Variants in C16orf87 observed in about 807,000 individuals in gnomAD.
The protein encoded by C16orf87 is UPF0547 protein C16orf87.
In C16orf87, 13 loss-of-function variants were observed where a neutral mutation model predicts 21.0. That is an observed-to-expected ratio of 0.62 (90% confidence interval 0.40 to 0.98). The LOEUF (loss-of-function observed/expected upper bound fraction) is 0.98, where lower values mean the gene tolerates loss of function less well. Ranked by LOEUF, C16orf87 falls within the 50% of genes least tolerant of loss-of-function variation. The probability of loss-of-function intolerance (pLI) is 0.00; values close to 1 mark genes in which losing one functional copy is unlikely to be tolerated. For synonymous variants in C16orf87, 49 were observed against 60.2 expected (o/e 0.81, Z 0.86); for missense variants, 113 against 180.4 (o/e 0.63, Z 2.14).
intron 3 of C16orf87, among the ~76,000 whole-genome samples, chr16:46,808,512 A>G (rs893944791): frequency 1.3e-5 from 2 of 152,254 alleles, no homozygotes; most frequent in Non-Finnish European, 2.9e-5. Context: ...AAAGCAAAGC[A>G]TAACTCACAA....
rs149786579 is a variant in C16orf87 at position 46,804,855 on chromosome 16, T to C, written c.347-1785A>G. ...TAAACTTCATATAAATGGCATCATA[T>C]ATAGTATGTACTCTTTTGTGCCTAG... On this transcript the variant is annotated intron_variant, in intron 3 of 3. Coordinates refer to ENST00000285697, the MANE Select transcript of C16orf87 (RefSeq NM_001001436.4). Among the ~76,000 whole-genome samples, 172 of 152,354 alleles carry C rather than the reference T, an allele frequency of 1.1e-3. 1 individual carries two copies. The Middle Eastern group carries it at 0.034, about 30-fold the overall frequency.
intron 2 of C16orf87, among the ~76,000 whole-genome samples, chr16:46,817,060 G>A (rs1169973534): frequency 6.6e-6 from 1 of 152,148 alleles, no homozygotes; most frequent in Non-Finnish European, 1.5e-5. Context: ...TACAGTGTCA[G>A]TTTCCAAGAC....
chr16:46,825,654 G>A (rs963774905), intron 1 of C16orf87, among the ~76,000 whole-genome samples: 3 of 152,130 alleles, frequency 2.0e-5, no homozygotes, highest in Admixed American at 1.3e-4. Flanking sequence ...GCTCACACCT[G>A]TAATCCCAGC....
At chr16:46,803,634 T>A (rs1227116818) in intron 3 of C16orf87, among the ~76,000 whole-genome samples, 3 of 152,162 alleles carry the variant, frequency 2.0e-5, no homozygotes, top group African/African-American at 7.2e-5. Context: ...CAGGATCCCC[T>A]GATTCTATTT....
At chr16:46,803,107 A>G in intron 3 of C16orf87, 37 bp from the exon 4 acceptor site, 1 of 931,826 alleles carries the variant, frequency 1.1e-6, no homozygotes, top group Non-Finnish European at 1.7e-6. Flanking sequence ...ATATAAAGGC[A>G]GTAGATGCAG....
chr16:46,829,928 TAAA>T (rs527744708), intron 1 of C16orf87, among the ~76,000 whole-genome samples: 3 of 84,338 alleles, frequency 3.6e-5, no homozygotes, highest in African/African-American at 1.4e-4. Flanking sequence ...ACTCTTGATT[TAAA>T]AAAAAAAAAA....
chr16:46,814,993 A>G (rs1025005805), intron 2 of C16orf87, among the ~76,000 whole-genome samples: 8 of 152,210 alleles, frequency 5.3e-5, no homozygotes, highest in African/African-American at 1.9e-4. Context: ...AGCTATAATA[A>G]TCAAAACAGT....
In C16orf87 at chr16:46,803,000, G is replaced by A. The variant is rs375594311; in HGVS notation, c.417C>T (p.Ala139=). The part of the protein sequence containing the change: ...SDEKAFVFSV[A]LAEINRKIIN... ...TAATTTTTCTATTTATTTCTGCCAA[G>A]GCGACTGAAAACACGAAAGCCTTTT... is the stretch of plus-strand genomic sequence containing the variant. Residue 139 remains alanine (A), a synonymous_variant, in exon 4 of 4, where the codon GCC becomes GCT. Coordinates refer to ENST00000285697, the MANE Select transcript of C16orf87 (RefSeq NM_001001436.4). 23 of 1,605,100 alleles carry A rather than the reference G, an allele frequency of 1.4e-5. No homozygotes were observed. The African/African-American group carries it at 2.5e-4, about 18-fold the overall frequency.
chr16:46,824,506 A>T (rs1211942042), intron 1 of C16orf87, 24 bp from the exon 2 acceptor site: 1 of 1,000,542 alleles, frequency 1.0e-6, no homozygotes, highest in Admixed American at 2.3e-5. Flanking sequence ...AGAAAAATAT[A>T]TATTATTACT....
At chr16:46,830,803 C>G (rs1433971965) in intron 1 of C16orf87, 1 of 304,184 alleles carries the variant, frequency 3.3e-6, no homozygotes, top group African/African-American at 2.2e-5. Context: ...GACAGCCGCC[C>G]GGTGAGCCCA....
intron 2 of C16orf87, among the ~76,000 whole-genome samples, chr16:46,814,978 T>G (rs554484913): frequency 1.3e-5 from 2 of 152,122 alleles, no homozygotes; most frequent in Non-Finnish European, 2.9e-5. Flanking sequence ...CAAAACTTAC[T>G]ACAAAGCTAT....
intron 3 of C16orf87, among the ~76,000 whole-genome samples, chr16:46,803,855 A>G (rs953638244): frequency 3.3e-5 from 5 of 152,036 alleles, no homozygotes; most frequent in Admixed American, 3.3e-4. Flanking sequence ...TAACATTTGT[A>G]CAAGATGCTA....
intron 3 of C16orf87, 147 bp downstream of exon 3, chr16:46,809,456 T>C: frequency 1.7e-6 from 1 of 595,748 alleles, no homozygotes; most frequent in Non-Finnish European, 3.0e-6. Flanking sequence ...AATAAGCATC[T>C]ACCACAGAGG....
At chr16:46,812,243 CAATAAATAAATA>C (rs575742837) in intron 2 of C16orf87, among the ~76,000 whole-genome samples, 58 of 151,468 alleles carry the variant, frequency 3.8e-4, no homozygotes, top group Non-Finnish European at 6.3e-4. Context: ...GACTCTGTCT[CAATAAATAAATA>C]AATAAATAAA....
chr16:46,823,256 C>T (rs1959488449), intron 2 of C16orf87, among the ~76,000 whole-genome samples: 1 of 152,082 alleles, frequency 6.6e-6, no homozygotes, highest in Admixed American at 6.5e-5. Flanking sequence ...TGTCTATCTC[C>T]CACCCACAAG....
At chr16:46,816,344 C>T (rs1968238166) in intron 2 of C16orf87, among the ~76,000 whole-genome samples, 2 of 152,094 alleles carry the variant, frequency 1.3e-5, no homozygotes, top group South Asian at 4.1e-4. Context: ...GCACTTAATG[C>T]CACTAAACTA....
At chr16:46,830,860 T>A in intron 1 of C16orf87, 1 of 364,982 alleles carries the variant, frequency 2.7e-6, no homozygotes, top group Non-Finnish European at 4.9e-6. Context: ...AGAAGGGGCT[T>A]GGCCGTCTGG....
chr16:46,807,082 T>C (rs1223864874), intron 3 of C16orf87, among the ~76,000 whole-genome samples: 1 of 152,266 alleles, frequency 6.6e-6, no homozygotes, highest in Non-Finnish European at 1.5e-5. Flanking sequence ...CAATTACTTC[T>C]GCACCAACCT....
intron 2 of C16orf87, among the ~76,000 whole-genome samples, chr16:46,816,725 A>G (rs954472721): frequency 3.9e-5 from 6 of 152,212 alleles, no homozygotes; most frequent in African/African-American, 7.2e-5. Flanking sequence ...TATGCCTAAA[A>G]TAGGTATACA....
Sources: allele counts gnomAD v4.1 joint callset (sites outside exome capture counted in the v4.1 genomes callset), GRCh38; gene constraint gnomAD v4.1.1; transcripts MANE v1.5; gene names NCBI Gene and HGNC (gene_info 2026-07-23, HGNC 2026-07-21).